Variants in MBNL1 observed in about 807,000 individuals in gnomAD.
The protein encoded by MBNL1 is muscleblind like splicing regulator 1.
A neutral mutation model predicts 42.2 loss-of-function variants in MBNL1; 8 were observed. The ratio of observed to expected loss-of-function variants is 0.19; its 90% CI spans 0.11 to 0.34. The LOEUF (loss-of-function observed/expected upper bound fraction) is 0.34, where lower values mean the gene tolerates loss of function less well. MBNL1 is among the 10% of genes least tolerant of loss of function. The pLI, the probability that MBNL1 is intolerant of heterozygous loss-of-function variation, is 1.00. For missense variants in MBNL1, 309 were observed against 495.3 expected, an observed-to-expected ratio of 0.62 and a Z score of 3.57; for synonymous variants, 169 against 173.9, an observed-to-expected ratio of 0.97 and a Z score of 0.22.
chr3:152,425,248 G>T (rs1438470474), intron 3 of MBNL1, among the ~76,000 whole-genome samples: 1 of 151,962 alleles, frequency 6.6e-6, no homozygotes, highest in African/African-American at 2.4e-5. Context: ...CAAAGGATAT[G>T]AACAGACACT....
At chr3:152,362,513 G>C (rs2096053020) in intron 2 of MBNL1, among the ~76,000 whole-genome samples, 1 of 152,192 alleles carries the variant, frequency 6.6e-6, no homozygotes. Context: ...TCTGAAGGAT[G>C]TCAAATTGTT....
At chr3:152,279,555 A>G (rs754348265) in intron 1 of MBNL1, among the ~76,000 whole-genome samples, 1 of 151,992 alleles carries the variant, frequency 6.6e-6, no homozygotes, top group Non-Finnish European at 1.5e-5. Context: ...CAAATAGCGT[A>G]TCGTTTGACA....
chr3:152,389,870 T>G (rs759661063), intron 2 of MBNL1, among the ~76,000 whole-genome samples: 1 of 151,838 alleles, frequency 6.6e-6, no homozygotes, highest in Non-Finnish European at 1.5e-5. Flanking sequence ...TAATGTAATT[T>G]ATTTATTTAT....
At chr3:152,427,567 A>G (rs2098949126) in intron 3 of MBNL1, among the ~76,000 whole-genome samples, 2 of 152,058 alleles carry the variant, frequency 1.3e-5, no homozygotes, top group Admixed American at 1.3e-4. Context: ...CTTTCTTAGA[A>G]AAAAAGAACT....
chr3:152,371,853 C>T (rs887344660), intron 2 of MBNL1, among the ~76,000 whole-genome samples: 1 of 152,092 alleles, frequency 6.6e-6, no homozygotes, highest in Non-Finnish European at 1.5e-5. Context: ...GTCTGTCTTG[C>T]TAGGTTGGGG....
At chr3:152,277,059 A>G (rs1270525882) in intron 1 of MBNL1, among the ~76,000 whole-genome samples, 1 of 152,206 alleles carries the variant, frequency 6.6e-6, no homozygotes, top group Non-Finnish European at 1.5e-5. Flanking sequence ...ACTTTTAATC[A>G]ATCAAAAATT....
At chr3:152,417,282 T>C (rs1459680159) in intron 3 of MBNL1, among the ~76,000 whole-genome samples, 1 of 152,154 alleles carries the variant, frequency 6.6e-6, no homozygotes, top group Non-Finnish European at 1.5e-5. Flanking sequence ...GGGAGTTTAA[T>C]GTGGGCCTTA....
chr3:152,439,121 G>T (rs1387199755), intron 4 of MBNL1, among the ~76,000 whole-genome samples: 1 of 152,154 alleles, frequency 6.6e-6, no homozygotes, highest in Non-Finnish European at 1.5e-5. Context: ...ATTCTTGGCT[G>T]AAAGTTTTAT....
chr3:152,327,235 GTA>G (rs1344646319), intron 2 of MBNL1, among the ~76,000 whole-genome samples: 3 of 152,122 alleles, frequency 2.0e-5, no homozygotes, highest in Admixed American at 2.0e-4. Flanking sequence ...ATGTGCCTCT[GTA>G]TGGTTGAATT....
intron 2 of MBNL1, among the ~76,000 whole-genome samples, chr3:152,252,138 T>A (rs186085547): frequency 4.5e-5 from 5 of 110,760 alleles, no homozygotes; most frequent in South Asian, 3.1e-4. Flanking sequence ...TAACCTACCT[T>A]CCTTCCTTCC....
intron 6 of MBNL1, among the ~76,000 whole-genome samples, chr3:152,453,210 A>G (rs1580790874): frequency 6.6e-6 from 1 of 152,172 alleles, no homozygotes; most frequent in Non-Finnish European, 1.5e-5. Context: ...GGACTGAATT[A>G]TTACATCGAA....
At chr3:152,384,893 T>C (rs980295666) in intron 2 of MBNL1, among the ~76,000 whole-genome samples, 4 of 152,100 alleles carry the variant, frequency 2.6e-5, no homozygotes, top group African/African-American at 4.8e-5. Flanking sequence ...GTTGTTTGAG[T>C]ATTGCTTGCA....
chr3:152,276,643 G>A (rs959668985), intron 1 of MBNL1, among the ~76,000 whole-genome samples: 3 of 151,944 alleles, frequency 2.0e-5, no homozygotes, highest in Non-Finnish European at 4.4e-5. Flanking sequence ...TGGGGTGAGG[G>A]GTGGGAAGCA....
At chr3:152,276,587 A>T (rs1449836315) in intron 1 of MBNL1, among the ~76,000 whole-genome samples, 1 of 152,054 alleles carries the variant, frequency 6.6e-6, no homozygotes, top group East Asian at 1.9e-4. Context: ...ATTTGAAGAG[A>T]TTCCAGAAGA....
At chr3:152,433,407 C>A (rs2099032622) in intron 4 of MBNL1, among the ~76,000 whole-genome samples, 1 of 152,114 alleles carries the variant, frequency 6.6e-6, no homozygotes, top group Admixed American at 6.6e-5. Flanking sequence ...ATAAGCTGTA[C>A]AATATTTTGG....
intron 5 of MBNL1, 141 bp downstream of exon 5, chr3:152,445,680 T>C: frequency 1.2e-6 from 1 of 844,872 alleles, no homozygotes; most frequent in Admixed American, 2.9e-5. Flanking sequence ...CCAGACAATA[T>C]ATAAAGAAGT....
At chr3:152,340,594 C>A (rs748078136) in intron 2 of MBNL1, 1 of 1,613,920 alleles carries the variant, frequency 6.2e-7, no homozygotes, top group South Asian at 1.1e-5. Context: ...ATACATACTT[C>A]CAAGTTTGGA....
At chr3:152,429,968 T>A (rs531071172) in intron 3 of MBNL1, among the ~76,000 whole-genome samples, 2 of 152,312 alleles carry the variant, frequency 1.3e-5, no homozygotes, top group Admixed American at 6.5e-5. Flanking sequence ...TTTTAAACGC[T>A]CCTACCGACT....
chr3:152,426,922 A>G (rs1261944123), intron 3 of MBNL1, among the ~76,000 whole-genome samples: 1 of 152,246 alleles, frequency 6.6e-6, no homozygotes, highest in African/African-American at 2.4e-5. Context: ...ATTTGTTGCC[A>G]TTCAGATGCA....
Sources: gnomAD v4.1 joint callset for allele counts (sites outside exome capture counted in the v4.1 genomes callset) on GRCh38, gnomAD v4.1.1 for gene constraint, MANE v1.5 for transcripts, NCBI Gene and HGNC (gene_info 2026-07-23, HGNC 2026-07-21) for gene names.